Variants in CLVS1 observed in about 807,000 individuals in gnomAD.
CLVS1 encodes the protein clavesin-1.
A neutral mutation model predicts 33.1 loss-of-function variants in CLVS1; 10 were observed. The ratio of observed to expected loss-of-function variants is 0.30; its 90% CI spans 0.19 to 0.51. CLVS1 has a LOEUF of 0.51. CLVS1 is among the 20% of genes least tolerant of loss of function. The pLI is 0.97. For missense variants in CLVS1, 343 were observed against 433.4 expected, an observed-to-expected ratio of 0.79 and a Z score of 1.85; for synonymous variants, 163 against 166.1, an observed-to-expected ratio of 0.98 and a Z score of 0.14.
At chr8:61,049,043 A>T in the CLVS1 span, among the ~76,000 whole-genome samples, 1 of 152,246 alleles carries the variant, frequency 6.6e-6, no homozygotes, top group African/African-American at 2.4e-5. Flanking sequence ...TTAGAGGACA[A>T]AATTTATTCA....
intron 1 of CLVS1, among the ~76,000 whole-genome samples, chr8:61,118,676 G>A (rs534121800): frequency 2.3e-4 from 35 of 151,940 alleles, no homozygotes; most frequent in South Asian, 1.0e-3. Flanking sequence ...ATGGAGTTGA[G>A]CGGTTTTGAG....
intron 2 of CLVS1, among the ~76,000 whole-genome samples, chr8:61,246,397 T>A (rs1808811330): frequency 1.3e-5 from 2 of 151,568 alleles, no homozygotes; most frequent in African/African-American, 4.9e-5. Context: ...CTCGAACTCC[T>A]GACCTCAAGT....
intron 2 of CLVS1, among the ~76,000 whole-genome samples, chr8:61,265,048 G>A (rs1809277983): frequency 6.6e-6 from 1 of 152,136 alleles, no homozygotes; most frequent in Non-Finnish European, 1.5e-5. Context: ...TTATTTCCAT[G>A]CTTGGGGTCC....
intron 2 of CLVS1, among the ~76,000 whole-genome samples, chr8:61,177,065 G>A (rs1400201507): frequency 6.6e-6 from 1 of 152,006 alleles, no homozygotes; most frequent in Non-Finnish European, 1.5e-5. Context: ...CTAAGCTCCC[G>A]GAGTGGCGAG....
chr8:61,450,566 G>A (rs543344235), intron 3 of CLVS1, among the ~76,000 whole-genome samples: 2 of 152,304 alleles, frequency 1.3e-5, no homozygotes, highest in South Asian at 4.1e-4. Flanking sequence ...TCATAAATAT[G>A]TGCTGAATTG....
intron 2 of CLVS1, among the ~76,000 whole-genome samples, chr8:61,305,576 A>C (rs1275613890): frequency 6.6e-6 from 1 of 151,910 alleles, no homozygotes; most frequent in Non-Finnish European, 1.5e-5. Context: ...TTTAACTTTT[A>C]AGTTCAGGTA....
chr8:61,105,798 C>A (rs1476773903), intron 1 of CLVS1, among the ~76,000 whole-genome samples: 4 of 151,832 alleles, frequency 2.6e-5, no homozygotes, highest in Admixed American at 1.3e-4. Flanking sequence ...GATCCTCCTA[C>A]TCCCCAAACT....
intron 1 of CLVS1, chr8:61,090,844 T>C (rs1326981998): frequency 1.9e-6 from 1 of 517,800 alleles, no homozygotes; most frequent in Non-Finnish European, 3.9e-6. Context: ...TGATAAGATT[T>C]GGGACTTTTG....
At chr8:61,261,819 C>A (rs772123131) in intron 2 of CLVS1, among the ~76,000 whole-genome samples, 4 of 152,118 alleles carry the variant, frequency 2.6e-5, no homozygotes, top group Non-Finnish European at 5.9e-5. Flanking sequence ...TGTTGATAAG[C>A]CACTGAGTCT....
chr8:61,461,496 T>C (rs1019374397), intron 5 of CLVS1, among the ~76,000 whole-genome samples: 2 of 152,214 alleles, frequency 1.3e-5, no homozygotes, highest in African/African-American at 4.8e-5. Flanking sequence ...TTTATTTTGG[T>C]ACAAAAATTT....
intron 2 of CLVS1, among the ~76,000 whole-genome samples, chr8:61,216,425 C>T (rs1368086176): frequency 6.6e-6 from 1 of 152,166 alleles, no homozygotes; most frequent in Non-Finnish European, 1.5e-5. Flanking sequence ...AGGAGTTTAG[C>T]AGACCTTGCT....
chr8:61,379,917 TG>T (rs1813803682), intron 3 of CLVS1, among the ~76,000 whole-genome samples: 1 of 152,152 alleles, frequency 6.6e-6, no homozygotes, highest in Admixed American at 6.5e-5. Flanking sequence ...GTAGTAAACT[TG>T]GGCAAAGTGG....
chr8:61,395,753 A>T (rs1411788810), intron 3 of CLVS1, among the ~76,000 whole-genome samples: 1 of 152,062 alleles, frequency 6.6e-6, no homozygotes, highest in African/African-American at 2.4e-5. Flanking sequence ...ACTCTTTTAC[A>T]CTCACTGTTT....
intron 1 of CLVS1, among the ~76,000 whole-genome samples, chr8:61,074,311 A>G (rs1458747411): frequency 1.3e-5 from 2 of 149,214 alleles, no homozygotes; most frequent in East Asian, 1.9e-4. Flanking sequence ...GCATTCCAGC[A>G]TGGTCAACAG....
At chr8:61,006,829 T>C in the CLVS1 span, among the ~76,000 whole-genome samples, 2 of 152,214 alleles carry the variant, frequency 1.3e-5, no homozygotes, top group Non-Finnish European at 2.9e-5. Context: ...CTACAGAATG[T>C]AATTATATAT....
At chr8:61,429,573 C>T (rs916734938) in intron 3 of CLVS1, among the ~76,000 whole-genome samples, 2 of 152,052 alleles carry the variant, frequency 1.3e-5, no homozygotes, top group Admixed American at 1.3e-4. Flanking sequence ...CTTAAAGTTC[C>T]CACCTCTCAA....
chr8:61,323,878 G>T lies in CLVS1; in HGVS notation c.455+23596G>T, dbSNP rs148026543. Among the ~76,000 whole-genome samples the T allele has an allele frequency of 4.4e-4, 67 of 152,182 alleles. No individual in the cohort carries two copies. The East Asian group carries it at 0.013, about 29-fold the overall frequency. On this transcript the variant is annotated intron_variant, in intron 2 of 5. Coordinates refer to ENST00000325897, the MANE Select transcript of CLVS1 (RefSeq NM_173519.3). Reference sequence around the variant, plus strand: ...CGTGTCTATAAGCTCCCACTTATAAGTCAGAACATGCAGTGTTTTGTTTTC... The same window carrying T: ...CGTGTCTATAAGCTCCCACTTATAATTCAGAACATGCAGTGTTTTGTTTTC...
upstream of CLVS1, chr8:61,287,940 G>A (rs982540903): frequency 1.3e-5 from 5 of 375,998 alleles, no homozygotes; most frequent in South Asian, 4.0e-5. Flanking sequence ...GCTAGGCTCC[G>A]TATAGAAGGA....
chr8:61,054,822 C>T (rs1456156817), upstream of CLVS1, among the ~76,000 whole-genome samples: 1 of 152,004 alleles, frequency 6.6e-6, no homozygotes, highest in South Asian at 2.1e-4. Context: ...CCCTGCACAC[C>T]GATAAGGATA....
Sources: allele counts gnomAD v4.1 joint callset (sites outside exome capture counted in the v4.1 genomes callset), GRCh38; gene constraint gnomAD v4.1.1; transcripts MANE v1.5; gene names NCBI Gene and HGNC (gene_info 2026-07-23, HGNC 2026-07-21).